The following LRP1B variants were observed in gnomAD, a reference collection of about 807,000 sequenced individuals.
LRP1B encodes the protein low-density lipoprotein receptor-related protein 1B.
A neutral mutation model predicts 556.6 loss-of-function variants in LRP1B; 217 were observed. The observed-to-expected ratio is 0.39, with a 90% CI of 0.35 to 0.44. The LOEUF is 0.44. Ranked by LOEUF, LRP1B falls within the 20% of genes least tolerant of loss-of-function variation. The pLI, the probability that LRP1B is intolerant of heterozygous loss-of-function variation, is 1.00. For synonymous variants in LRP1B, 2,047 were observed against 1,865.8 expected (o/e 1.10, Z -2.50); for missense variants, 5,053 against 5,620.8 (o/e 0.90, Z 3.23).
chr2:141,624,201 G>A (rs1688624294), intron 2 of LRP1B, among the ~76,000 whole-genome samples: 2 of 152,036 alleles, frequency 1.3e-5, no homozygotes, highest in Non-Finnish European at 2.9e-5. Context: ...TAGGGTACAA[G>A]TTGTTTTTTA....
At chr2:141,487,608 T>G (rs1002299646) in intron 2 of LRP1B, among the ~76,000 whole-genome samples, 2 of 152,142 alleles carry the variant, frequency 1.3e-5, no homozygotes, top group African/African-American at 4.8e-5. Context: ...ACAATCAATT[T>G]TAAGTATTTA....
rs191227444 is a variant in LRP1B at position 141,392,973 on chromosome 2, T to A, written c.343+87423A>T. Among the ~76,000 whole-genome samples the A allele has an allele frequency of 3.9e-3, 596 of 152,304 alleles. 5 individuals are homozygous for A. Among genetic ancestry groups the A allele is most frequent in the African/African-American group, 0.013 (533 of 41,576 alleles). On this transcript the variant is annotated intron_variant, in intron 3 of 90. Coordinates refer to ENST00000389484, the MANE Select transcript of LRP1B (RefSeq NM_018557.3). ...CCGCTGAAACAGACTTAGGTTCAGATCTTTCAGCGCACTGTGAGCCTTGGC... is the reference window on the plus strand; with the variant it reads ...CCGCTGAAACAGACTTAGGTTCAGAACTTTCAGCGCACTGTGAGCCTTGGC...
intron 2 of LRP1B, among the ~76,000 whole-genome samples, chr2:141,749,632 G>C (rs1300316642): frequency 1.3e-5 from 2 of 152,074 alleles, no homozygotes; most frequent in Admixed American, 1.3e-4. Flanking sequence ...TGTCTACACA[G>C]GGCAATTTTA....
intron 83 of LRP1B, among the ~76,000 whole-genome samples, chr2:140,302,530 C>T (rs1317996543): frequency 6.6e-6 from 1 of 152,134 alleles, no homozygotes; most frequent in African/African-American, 2.4e-5. Flanking sequence ...GTCAACTAGC[C>T]TGGGCAAAGG....
chr2:140,334,050 C>T (rs932773680), intron 79 of LRP1B, among the ~76,000 whole-genome samples: 1 of 151,674 alleles, frequency 6.6e-6, no homozygotes, highest in Non-Finnish European at 1.5e-5. Flanking sequence ...CTGTCTTTTA[C>T]ATAAGGTATT....
chr2:140,634,239 C>T (rs1416432872), intron 41 of LRP1B, among the ~76,000 whole-genome samples: 2 of 151,958 alleles, frequency 1.3e-5, no homozygotes, highest in Non-Finnish European at 2.9e-5. Flanking sequence ...TGATAAAATC[C>T]AACACCCATT....
At chr2:141,730,309 G>A (rs922120017) in intron 2 of LRP1B, among the ~76,000 whole-genome samples, 14 of 152,222 alleles carry the variant, frequency 9.2e-5, no homozygotes, top group South Asian at 2.1e-4. Context: ...GCACATCCTC[G>A]CTGTCATCAT....
chr2:141,336,621 C>G (rs1233442899), intron 3 of LRP1B, among the ~76,000 whole-genome samples: 3 of 151,932 alleles, frequency 2.0e-5, no homozygotes, highest in Non-Finnish European at 2.9e-5. Context: ...AATTTTAATA[C>G]ACGTATAGAT....
At chr2:141,413,906 GAGAAGAGAAGAGAAC>G (rs928830124) in intron 3 of LRP1B, among the ~76,000 whole-genome samples, 1 of 144,994 alleles carries the variant, frequency 6.9e-6, no homozygotes, top group African/African-American at 2.5e-5. Context: ...TGAGAGAAAG[GAGAAGAGAAGAGAAC>G]AGAAGAGAAG....
intron 2 of LRP1B, among the ~76,000 whole-genome samples, chr2:141,632,649 T>G (rs1688953880): frequency 6.6e-6 from 1 of 152,120 alleles, no homozygotes; most frequent in Admixed American, 6.6e-5. Context: ...AAATATATTT[T>G]TAAATTTTTT....
chr2:141,951,663 T>G (rs139827538), intron 1 of LRP1B, among the ~76,000 whole-genome samples: 136 of 152,246 alleles, frequency 8.9e-4, no homozygotes, highest in Non-Finnish European at 1.6e-3. Context: ...AACTTTCAAG[T>G]AAGAAAAAGA....
intron 80 of LRP1B, 123 bp from the exon 81 acceptor site, chr2:140,324,189 A>G: frequency 1.9e-6 from 1 of 536,126 alleles, no homozygotes; most frequent in Non-Finnish European, 3.3e-6. Context: ...TCAGAATTGG[A>G]ATATTTACAA....
At chr2:141,005,530 AATTACATACACTTATAT>A (rs2105374358) in intron 14 of LRP1B, 73 bp from the exon 15 acceptor site, 1 of 1,402,036 alleles carries the variant, frequency 7.1e-7, no homozygotes, top group East Asian at 2.3e-5. Context: ...ACATAGATGT[AATTACATACACTTATAT>A]ATGCTATGTA....
chr2:141,803,500 A>G (rs191036757), intron 2 of LRP1B, among the ~76,000 whole-genome samples: 41 of 152,162 alleles, frequency 2.7e-4, no homozygotes, highest in Non-Finnish European at 4.9e-4. Flanking sequence ...GAACAAAACA[A>G]AAAGAATTGA....
chr2:141,915,238 C>T (rs1189277789), intron 1 of LRP1B, among the ~76,000 whole-genome samples: 1 of 152,104 alleles, frequency 6.6e-6, no homozygotes, highest in African/African-American at 2.4e-5. Context: ...CACAAATATG[C>T]AAAGGGGAGA....
At chr2:140,939,115 G>A (rs1695318289) in intron 20 of LRP1B, among the ~76,000 whole-genome samples, 1 of 152,020 alleles carries the variant, frequency 6.6e-6, no homozygotes, top group Non-Finnish European at 1.5e-5. Context: ...GAGAAAAAAA[G>A]TACTACAAGG....
intron 1 of LRP1B, among the ~76,000 whole-genome samples, chr2:142,087,368 A>T (rs4662225): frequency 0.43 from 65,818 of 151,512 alleles, 16,124 homozygotes; most frequent in East Asian, 0.69. Flanking sequence ...GACATGTCTT[A>T]CTTTGGCAGT....
At chr2:140,581,666 C>T (rs1194854289) in intron 43 of LRP1B, among the ~76,000 whole-genome samples, 1 of 152,102 alleles carries the variant, frequency 6.6e-6, no homozygotes, top group African/African-American at 2.4e-5. Context: ...AAAAATTCTA[C>T]AATGAAACTG....
intron 1 of LRP1B, among the ~76,000 whole-genome samples, chr2:142,069,264 A>G (rs1362917520): frequency 2.6e-5 from 4 of 151,670 alleles, no homozygotes; most frequent in African/African-American, 9.7e-5. Context: ...AGAGAATTTT[A>G]CCACTATAAA....
Sources: allele counts gnomAD v4.1 joint callset (sites outside exome capture counted in the v4.1 genomes callset), GRCh38; gene constraint gnomAD v4.1.1; transcripts MANE v1.5; gene names NCBI Gene and HGNC (gene_info 2026-07-23, HGNC 2026-07-21).